MARCHF10: variants seen among roughly 807,000 people sequenced by gnomAD.
The protein encoded by MARCHF10 is probable E3 ubiquitin-protein ligase MARCHF10.
In MARCHF10, 64 loss-of-function variants were observed where a neutral mutation model predicts 76.2. That is an observed-to-expected ratio of 0.84 (90% CI 0.69 to 1.03). The LOEUF (loss-of-function observed/expected upper bound fraction) is 1.03. MARCHF10 is among the 50% of genes least tolerant of loss of function. The pLI, the probability that MARCHF10 is intolerant of heterozygous loss-of-function variation, is 0.00. For missense variants in MARCHF10, 875 were observed against 958.0 expected (o/e 0.91, Z 1.14); for synonymous variants, 340 against 357.5 (o/e 0.95, Z 0.55).
At chr17:62,760,675 C>T (rs1599257676) in intron 3 of MARCHF10, among the ~76,000 whole-genome samples, 1 of 152,356 alleles carries the variant, frequency 6.6e-6, no homozygotes, top group South Asian at 2.1e-4. Context: ...GCCACACTTA[C>T]ACCCACCAAA....
intron 3 of MARCHF10, among the ~76,000 whole-genome samples, chr17:62,764,816 A>G (rs2092290289): frequency 6.6e-6 from 1 of 152,236 alleles, no homozygotes; most frequent in Non-Finnish European, 1.5e-5. Context: ...AAAAACTCTT[A>G]CAGCAGCAAA....
At chr17:62,722,381 C>A in intron 8 of MARCHF10, 107 bp downstream of exon 8, 1 of 736,102 alleles carries the variant, frequency 1.4e-6, no homozygotes, top group Non-Finnish European at 2.3e-6. Flanking sequence ...CAGACTCCTG[C>A]CAGCAGAGAC....
At chr17:62,794,415 T>A (rs944499946) in intron 2 of MARCHF10, among the ~76,000 whole-genome samples, 4 of 152,244 alleles carry the variant, frequency 2.6e-5, no homozygotes, top group African/African-American at 9.6e-5. Flanking sequence ...ATGACTCTGA[T>A]GTTGGTTGCA....
intron 1 of MARCHF10, chr17:62,804,783 A>G (rs2093136606): frequency 6.6e-6 from 1 of 151,986 alleles, no homozygotes; most frequent in African/African-American, 2.4e-5. Context: ...TGTCTACTGA[A>G]GCTCTTTCAT....
chr17:62,739,183 C>T (rs1443475124), intron 5 of MARCHF10, among the ~76,000 whole-genome samples: 2 of 152,036 alleles, frequency 1.3e-5, no homozygotes, highest in African/African-American at 4.8e-5. Flanking sequence ...CCTGTAATCC[C>T]AGCTATTTGG....
chr17:62,752,064 C>G (rs763181389), intron 4 of MARCHF10, among the ~76,000 whole-genome samples: 1 of 151,800 alleles, frequency 6.6e-6, no homozygotes, highest in African/African-American at 2.4e-5. Flanking sequence ...CATTACCTAT[C>G]GTGGAGGGGT....
At chr17:62,715,598 T>C (rs1162389354) in intron 8 of MARCHF10, among the ~76,000 whole-genome samples, 1 of 152,202 alleles carries the variant, frequency 6.6e-6, no homozygotes, top group African/African-American at 2.4e-5. Context: ...GGAGCAAATG[T>C]AGGCTTGCCT....
intron 8 of MARCHF10, among the ~76,000 whole-genome samples, chr17:62,713,092 G>A (rs894976440): frequency 6.6e-6 from 1 of 152,074 alleles, no homozygotes; most frequent in African/African-American, 2.4e-5. Flanking sequence ...GTGAGTCTGT[G>A]CCTGCCTCCG....
chr17:62,793,003 TCAC>T (rs201955878), intron 2 of MARCHF10, among the ~76,000 whole-genome samples: 2,033 of 98,352 alleles, frequency 0.021, 31 homozygotes, highest in Non-Finnish European at 0.031. Context: ...ACCACCTCCA[TCAC>T]CACCACCACA....
intron 8 of MARCHF10, among the ~76,000 whole-genome samples, chr17:62,716,111 G>A (rs1220658712): frequency 6.6e-6 from 1 of 152,190 alleles, no homozygotes; most frequent in African/African-American, 2.4e-5. Context: ...CTCTGGTTCA[G>A]AGAGCAAGTC....
chr17:62,758,396 C>G, intron 4 of MARCHF10, among the ~76,000 whole-genome samples: 1 of 152,012 alleles, frequency 6.6e-6, no homozygotes, highest in Non-Finnish European at 1.5e-5. Flanking sequence ...ACAAAAAAAC[C>G]CTGAAATTCA....
chr17:62,706,491 C>T (rs1263087253), intron 9 of MARCHF10: 2 of 152,358 alleles, frequency 1.3e-5, no homozygotes, highest in East Asian at 3.9e-4. Context: ...GTTTTTGTGA[C>T]TGTGGACCAA....
intron 10 of MARCHF10, among the ~76,000 whole-genome samples, chr17:62,702,340 T>C (rs113347069): frequency 6.7e-6 from 1 of 149,762 alleles, no homozygotes; most frequent in African/African-American, 2.5e-5. Flanking sequence ...CTTGAGTGAA[T>C]GCTCTCTGAC....
At chr17:62,709,536 A>G (rs1159453067) in intron 9 of MARCHF10, among the ~76,000 whole-genome samples, 3 of 151,534 alleles carry the variant, frequency 2.0e-5, no homozygotes, top group Non-Finnish European at 2.9e-5. Flanking sequence ...GGGTCTCTTC[A>G]TGAGACACAA....
At chr17:62,710,794 C>G (rs1299429997) in intron 9 of MARCHF10, among the ~76,000 whole-genome samples, 1 of 152,104 alleles carries the variant, frequency 6.6e-6, no homozygotes, top group Non-Finnish European at 1.5e-5. Flanking sequence ...TTCCTGAGCT[C>G]AAGTGATCCT....
intron 1 of MARCHF10, among the ~76,000 whole-genome samples, 200 bp downstream of exon 1, chr17:62,807,877 A>G (rs2093186500): frequency 6.6e-6 from 1 of 152,196 alleles, no homozygotes; most frequent in Non-Finnish European, 1.5e-5. Flanking sequence ...GGTGCCAGTG[A>G]GCAAAGGTTC....
Position 62,744,366 on chromosome 17 carries a change from G to C in MARCHF10, c.535+10C>G. The C allele has an allele frequency of 1.2e-6, 2 of 1,610,726 alleles. No individual in the cohort carries two copies. Among genetic ancestry groups the C allele is most frequent in the Non-Finnish European group, 1.7e-6 (2 of 1,179,040 alleles). On this transcript the variant is annotated intron_variant, in intron 5 of 10. Transcript: ENST00000311269. The stretch of plus-strand genomic sequence containing the variant: ...CCAAGGACAAAGGTTCGGGAGCCCC[G>C]GGTCCTTACCTGCTCCCCTGGGAAC...
rs544356396 is a variant in MARCHF10 at position 62,800,867 on chromosome 17, C to CT, written c.90+778dup. Among the ~76,000 whole-genome samples the CT allele has an allele frequency of 6.6e-4, 101 of 152,326 alleles. 1 individual carries two copies. Among genetic ancestry groups the CT allele is most frequent in the African/African-American group, 2.3e-3 (96 of 41,576 alleles). On this transcript the variant is annotated intron_variant, in intron 2 of 10. Transcript: ENST00000311269. ...TGTGTTTTGGTTTTGCACGTAAACA[C>CT]TGTAACTAGGGGGACCAGCAGTTAG...
chr17:62,740,033 A>G (rs1218159803), intron 5 of MARCHF10, among the ~76,000 whole-genome samples: 1 of 149,514 alleles, frequency 6.7e-6, no homozygotes, highest in East Asian at 2.0e-4. Context: ...TAAAAATTCA[A>G]TCAGAGCTTC....
Sources: gnomAD v4.1 joint callset for allele counts (sites outside exome capture counted in the v4.1 genomes callset) on GRCh38, gnomAD v4.1.1 for gene constraint, MANE v1.5 for transcripts, NCBI Gene and HGNC (gene_info 2026-07-23, HGNC 2026-07-21) for gene names.